The following PI4KA variants were observed in gnomAD, a reference collection of about 807,000 sequenced individuals.
PI4KA encodes the protein phosphatidylinositol 4-kinase alpha.
PI4KA carries 122 observed loss-of-function variants against 271.4 expected under a neutral mutation model. The observed-to-expected ratio is 0.45, with a 90% confidence interval of 0.39 to 0.52. The LOEUF (loss-of-function observed/expected upper bound fraction) is 0.52, where lower values mean the gene tolerates loss of function less well. PI4KA is among the 20% of genes least tolerant of loss of function. The probability of loss-of-function intolerance (pLI) is 0.00; values close to 1 mark genes in which losing one functional copy is unlikely to be tolerated. For synonymous variants in PI4KA, 1,041 were observed against 1,078.8 expected (o/e 0.96, Z 0.69); for missense variants, 1,969 against 2,769.1 (o/e 0.71, Z 6.48).
At position 20,786,891 on chromosome 22, in the gene PI4KA, C is replaced by T. The variant is rs5904; in HGVS notation, c.2328+6302G>A. ...TCCAAACAGTTCAAGCACCAAGGCA[C>T]GATCACAGTGAACGAGGAAGGCACC... On this transcript the variant is annotated intron_variant, in intron 19 of 54. Coordinates refer to ENST00000255882, the MANE Select transcript of PI4KA (RefSeq NM_058004.4). The T allele has an allele frequency of 5.2e-4, 839 of 1,614,164 alleles. 5 individuals are homozygous for T. In the African/African-American group the frequency reaches 9.5e-3, roughly 18 times the overall value.
intron 22 of PI4KA, among the ~76,000 whole-genome samples, chr22:20,763,814 C>T (rs770473181): frequency 1.3e-5 from 2 of 152,176 alleles, no homozygotes; most frequent in Non-Finnish European, 2.9e-5. Flanking sequence ...GGGGAGAATG[C>T]GTCACTGATT....
chr22:20,742,820 G>A, intron 30 of PI4KA, 56 bp from the exon 31 acceptor site: 1 of 1,566,720 alleles, frequency 6.4e-7, no homozygotes, highest in Non-Finnish European at 8.8e-7. Context: ...TGTGGGTAAG[G>A]TTCTGGAAGC....
chr22:20,840,387 A>G (rs1253780819), intron 1 of PI4KA, among the ~76,000 whole-genome samples: 1 of 152,220 alleles, frequency 6.6e-6, no homozygotes, highest in Non-Finnish European at 1.5e-5. Context: ...AGAGGGCCCC[A>G]CAGGCCAGGT....
At chr22:20,756,772 A>C (rs766759191) in intron 23 of PI4KA, among the ~76,000 whole-genome samples, 107 of 152,160 alleles carry the variant, frequency 7.0e-4, no homozygotes, top group Non-Finnish European at 1.1e-3. Flanking sequence ...CTGGGATTAC[A>C]GTCACCTGCC....
intron 3 of PI4KA, among the ~76,000 whole-genome samples, chr22:20,832,179 G>A (rs1410166758): frequency 6.7e-6 from 1 of 149,672 alleles, no homozygotes; most frequent in African/African-American, 2.5e-5. Flanking sequence ...GCAGTGGCGC[G>A]ATCTCGGCTC....
intron 47 of PI4KA, among the ~76,000 whole-genome samples, 186 bp from the exon 48 acceptor site, chr22:20,713,576 G>A (rs979493477): frequency 6.6e-6 from 1 of 152,224 alleles, no homozygotes; most frequent in African/African-American, 2.4e-5. Context: ...AACAGCAGGT[G>A]GAATCCAGGG....
Position 20,803,418 on chromosome 22 carries a change from G to A in PI4KA, c.1462-98C>T, listed in dbSNP as rs1017277603. The stretch of plus-strand genomic sequence containing the variant: ...GCTCAACCCTTCAGTACCCAAGTCT[G>A]ACCCAAAACTTCGAAGGTCAAAGCT... On this transcript the variant is annotated intron_variant, in intron 12 of 54. Coordinates refer to ENST00000255882, the MANE Select transcript of PI4KA (RefSeq NM_058004.4). 6 of 1,473,570 alleles carry A rather than the reference G, an allele frequency of 4.1e-6. No homozygotes were observed. The African/African-American group carries it at 7.0e-5, about 17-fold the overall frequency. 91.3% of individuals were successfully genotyped at this position (1,473,570 alleles called of 1,614,324 possible). A position where few individuals can be genotyped will look rare whatever the true frequency, so the allele number is the denominator to read the frequency against.
intron 36 of PI4KA, among the ~76,000 whole-genome samples, chr22:20,730,559 G>A (rs1029254238): frequency 3.3e-5 from 5 of 151,046 alleles, no homozygotes; most frequent in African/African-American, 1.2e-4. Context: ...ACAGGAGTGA[G>A]CCACTGTGCC....
At chr22:20,729,160 G>A (rs1027647439) in intron 39 of PI4KA, among the ~76,000 whole-genome samples, 153 bp downstream of exon 39, 4 of 152,168 alleles carry the variant, frequency 2.6e-5, no homozygotes, top group African/African-American at 9.7e-5. Context: ...GAAGGGCTCG[G>A]GGAGTGTCCT....
intron 30 of PI4KA, 46 bp from the exon 31 acceptor site, chr22:20,742,810 T>C: frequency 3.1e-6 from 5 of 1,600,480 alleles, no homozygotes; most frequent in Middle Eastern, 1.7e-4. Flanking sequence ...ATCCAGGCAA[T>C]GTGGGTAAGG....
At chr22:20,773,127 T>C (rs1932965819) in intron 19 of PI4KA, among the ~76,000 whole-genome samples, 1 of 151,998 alleles carries the variant, frequency 6.6e-6, no homozygotes, top group Non-Finnish European at 1.5e-5. Context: ...GGCTCACGCA[T>C]GTAATCCCAG....
At chr22:20,753,694 C>A (rs1339567440) in intron 23 of PI4KA, among the ~76,000 whole-genome samples, 3 of 152,026 alleles carry the variant, frequency 2.0e-5, no homozygotes, top group Non-Finnish European at 2.9e-5. Flanking sequence ...TTTTTTCTTT[C>A]TCTTTTTTTT....
intron 45 of PI4KA, 29 bp downstream of exon 45, chr22:20,717,679 G>A (rs1163476087): frequency 3.9e-6 from 6 of 1,542,458 alleles, no homozygotes; most frequent in South Asian, 2.4e-5. Flanking sequence ...GAAGAGGTTG[G>A]TCTGAGCCTC....
intron 1 of PI4KA, among the ~76,000 whole-genome samples, chr22:20,851,336 TTTGTTG>T (rs372350522): frequency 6.6e-6 from 1 of 152,030 alleles, no homozygotes; most frequent in Non-Finnish European, 1.5e-5. Context: ...TTGGGTTTTT[TTTGTTG>T]TTGTTGTTGT....
chr22:20,821,123 A>G (rs991177046), intron 4 of PI4KA, among the ~76,000 whole-genome samples: 2 of 152,194 alleles, frequency 1.3e-5, no homozygotes, highest in Non-Finnish European at 2.9e-5. Context: ...CTCATCACAG[A>G]TTCTACACTT....
At chr22:20,747,815 G>T in intron 28 of PI4KA, 113 bp from the exon 29 acceptor site, 2 of 981,962 alleles carry the variant, frequency 2.0e-6, no homozygotes, top group South Asian at 1.5e-5. Context: ...GCTCATTGCA[G>T]CCTCGACCTC....
intron 22 of PI4KA, among the ~76,000 whole-genome samples, chr22:20,763,902 C>T (rs1262560623): frequency 6.6e-6 from 1 of 152,186 alleles, no homozygotes; most frequent in African/African-American, 2.4e-5. Flanking sequence ...GGTGCATTCC[C>T]ATGCAACCAA....
At chr22:20,775,691 T>C (rs1335330478) in intron 19 of PI4KA, among the ~76,000 whole-genome samples, 1 of 152,192 alleles carries the variant, frequency 6.6e-6, no homozygotes, top group Non-Finnish European at 1.5e-5. Flanking sequence ...GGTCTTGCTA[T>C]GTTGCTCCAG....
chr22:20,801,259 T>C (rs1457427124), intron 14 of PI4KA, among the ~76,000 whole-genome samples: 1 of 151,874 alleles, frequency 6.6e-6, no homozygotes, highest in Non-Finnish European at 1.5e-5. Flanking sequence ...AGATCAAGTG[T>C]AGGTTTAAAA....
Sources: allele counts gnomAD v4.1 joint callset (sites outside exome capture counted in the v4.1 genomes callset), GRCh38; gene constraint gnomAD v4.1.1; transcripts MANE v1.5; gene names NCBI Gene and HGNC (gene_info 2026-07-23, HGNC 2026-07-21).